Variants in EGFL6 observed in about 807,000 individuals in gnomAD.
EGFL6 encodes the protein EGF like domain multiple 6, also known as epidermal growth factor-like protein 6.
In EGFL6, 42 loss-of-function variants were observed where a neutral mutation model predicts 43.1. The ratio of observed to expected loss-of-function variants is 0.98; its 90% confidence interval spans 0.76 to 1.26. The LOEUF is 1.26. Among genes scored for constraint, EGFL6 ranks in the 50% most tolerant of loss-of-function variants. The pLI, the probability that EGFL6 is intolerant of heterozygous loss-of-function variation, is 0.00. For synonymous variants in EGFL6, 164 were observed against 163.2 expected (o/e 1.01, Z -0.04); for missense variants, 429 against 427.8 (o/e 1.00, Z -0.02).
chrX:13,611,609 G>T (rs1324338073), intron 7 of EGFL6, among the ~76,000 whole-genome samples: 2 of 112,440 alleles, frequency 1.8e-5, no homozygotes, highest in Admixed American at 9.4e-5. Flanking sequence ...TTAGATAGTT[G>T]TTTGCAGCCT....
In EGFL6 at chrX:13,633,221, T is replaced by C. The variant is rs1204010721; in HGVS notation, c.*126T>C. The C allele has an allele frequency of 6.0e-6, 3 of 498,996 alleles. No individual in the cohort carries two copies. The highest frequency in any genetic ancestry group is 9.6e-6 in the Non-Finnish European group (3 of 311,998). 41.1% of individuals were successfully genotyped at this position (498,996 alleles called of 1,213,427 possible). On this transcript the variant is annotated 3_prime_UTR_variant, in exon 12 of 12. Transcript: ENST00000361306. ...TGTAATGTACCAACAGAAATATTAT[T>C]GTAAGATGCCTTTCTTGTATAAGAT...
At chrX:13,628,397 G>A (rs1175727854) in intron 11 of EGFL6, among the ~76,000 whole-genome samples, 3 of 110,487 alleles carry the variant, frequency 2.7e-5, no homozygotes, top group Non-Finnish European at 5.7e-5. Context: ...CCATCAGAAG[G>A]TGGCTAGTGA....
chrX:13,594,069 T>C (rs2045582707), intron 2 of EGFL6, among the ~76,000 whole-genome samples: 1 of 111,271 alleles, frequency 9.0e-6, no homozygotes, highest in African/African-American at 3.3e-5. Flanking sequence ...ATCCTCTCCC[T>C]TTCTACTCTT....
Position 13,572,689 on chromosome X carries a change from A to G in EGFL6, c.74+2754A>G, listed in dbSNP as rs758785163. On this transcript the variant is annotated intron_variant, in intron 1 of 11. Transcript: ENST00000361306. ...TTCTCTACTGAATTCAAGTAAAAATAATGTGAGAGAGGAGGGAATGACTAG... is the reference window on the plus strand; with the variant it reads ...TTCTCTACTGAATTCAAGTAAAAATGATGTGAGAGAGGAGGGAATGACTAG... Among the ~76,000 whole-genome samples, 3 of 112,123 alleles carry G rather than the reference A, an allele frequency of 2.7e-5. No individual in the cohort carries two copies. In the East Asian group the frequency reaches 8.3e-4, roughly 31 times the overall value.
Position 13,594,945 on chromosome X carries a change from A to T in EGFL6, c.280+17A>T. ...GCAGTCAAGGTCAGTAAGGTAGCCC[A>T]GGGTCATAGTTCAAATTCAATCATT... On this transcript the variant is annotated intron_variant, in intron 3 of 11. Transcript: ENST00000361306. The T allele has an allele frequency of 8.7e-7, 1 of 1,151,148 alleles. No individual in the cohort carries two copies. Among genetic ancestry groups the T allele is most frequent in the Non-Finnish European group, 1.2e-6 (1 of 842,857 alleles). The allele number at this position is 1,151,148 out of a possible 1,213,427, so 94.9% of individuals were successfully genotyped here.
intron 11 of EGFL6, among the ~76,000 whole-genome samples, chrX:13,630,302 G>A (rs2045803819): frequency 8.9e-6 from 1 of 111,868 alleles, no homozygotes. Flanking sequence ...GGGGATAGAG[G>A]AGGTAAAAAT....
At chrX:13,586,218 A>G (rs998338687) in intron 1 of EGFL6, among the ~76,000 whole-genome samples, 13 of 111,968 alleles carry the variant, frequency 1.2e-4, no homozygotes, top group Non-Finnish European at 2.3e-4. Context: ...TAGGATGTCT[A>G]GAGTTTTTAA....
At chrX:13,607,264 C>G (rs148672850) in intron 6 of EGFL6, among the ~76,000 whole-genome samples, 1,654 of 111,246 alleles carry the variant, frequency 0.015, 30 homozygotes, top group African/African-American at 0.052. Context: ...AATTCGGGCT[C>G]TCTGTGGATT....
chrX:13,569,800 C>T lies in EGFL6; in HGVS notation c.-62C>T. ...AGAGGAGGCGGCGGCTTAGCTGCTA[C>T]GGGGTCCGGCCGGCGCCCTCCCGAG... On this transcript the variant is annotated 5_prime_UTR_variant, in exon 1 of 12. The change creates a new upstream start codon in the 5' untranslated region. Coordinates refer to ENST00000361306, the MANE Select transcript of EGFL6 (RefSeq NM_015507.4). 8.8e-7 allele frequency: 1 copy of T among 1,138,422 alleles called. No homozygotes were observed. 93.8% of individuals were successfully genotyped at this position (1,138,422 alleles called of 1,213,427 possible). A position where few individuals can be genotyped will look rare whatever the true frequency, so the allele number is the denominator to read the frequency against.
At chrX:13,585,755 C>T (rs778101400) in intron 1 of EGFL6, among the ~76,000 whole-genome samples, 1 of 95,650 alleles carries the variant, frequency 1.0e-5, no homozygotes, top group East Asian at 5.5e-4. Context: ...AGAATTTCCC[C>T]CATACAGCTT....
intron 1 of EGFL6, chrX:13,574,814 G>A (rs1429019948): frequency 8.5e-6 from 1 of 118,337 alleles, no homozygotes; most frequent in Non-Finnish European, 1.7e-5. Flanking sequence ...TGGAGTACAA[G>A]AAGACTCTGA....
chrX:13,597,734 A>T (rs760642332), intron 3 of EGFL6, among the ~76,000 whole-genome samples: 18 of 111,245 alleles, frequency 1.6e-4, no homozygotes, highest in Non-Finnish European at 3.0e-4. Context: ...CAGTGAGCTG[A>T]GATCGCGCCA....
chrX:13,626,050 A>G (rs1184997434), intron 10 of EGFL6, among the ~76,000 whole-genome samples: 1 of 111,868 alleles, frequency 8.9e-6, no homozygotes. Flanking sequence ...AAGAGATGCC[A>G]GATGAAATAT....
chrX:13,597,677 G>A (rs902528864), intron 3 of EGFL6, among the ~76,000 whole-genome samples: 16 of 111,283 alleles, frequency 1.4e-4, no homozygotes, highest in Non-Finnish European at 2.3e-4. Flanking sequence ...CTAGCTACTC[G>A]GGAGGCTGAG....
intron 3 of EGFL6, among the ~76,000 whole-genome samples, chrX:13,597,184 A>G (rs540291011): frequency 1.1e-4 from 12 of 112,306 alleles, no homozygotes; most frequent in African/African-American, 3.6e-4. Flanking sequence ...AGAAATCTTC[A>G]ATAATTCAGA....
At chrX:13,605,076 A>C (rs6633096) in intron 5 of EGFL6, among the ~76,000 whole-genome samples, 196 of 111,931 alleles carry the variant, frequency 1.8e-3, no homozygotes, top group African/African-American at 6.2e-3. Context: ...TTATATGACA[A>C]GGCTAATTAT....
rs1309059595 is a variant in EGFL6 at position 13,569,884 on chromosome X, C to T, written c.23C>T (p.Ala8Val). The T allele has an allele frequency of 2.5e-6, 3 of 1,212,084 alleles. No individual in the cohort carries two copies. The highest frequency in any genetic ancestry group is 2.2e-5 in the Admixed American group (1 of 46,142). MPLPWSL[A>V]LPLLLSWVAG... ...AGAATGCCTCTGCCCTGGAGCCTTG[C>T]GCTCCCGCTGCTGCTCTCCTGGGTG... The change falls in exon 1 of 12, where the codon GCG becomes GTG. Residue 8 changes from alanine (A) to valine (V), a missense_variant. Coordinates refer to ENST00000361306, the MANE Select transcript of EGFL6 (RefSeq NM_015507.4).
In EGFL6 at chrX:13,569,821, C is replaced by A. The variant is rs1203268005; in HGVS notation, c.-41C>A. ...GCTACGGGGTCCGGCCGGCGCCCTC[C>A]CGAGGGGGGCTCAGGAGGAGGAAGG... On this transcript the variant is annotated 5_prime_UTR_variant, in exon 1 of 12. Transcript: ENST00000361306. 8.3e-7 allele frequency: 1 copy of A among 1,201,629 alleles called. No individual in the cohort carries two copies.
chrX:13,594,880 A>T lies in EGFL6; in HGVS notation c.232A>T (p.Asn78Tyr). The change falls in exon 3 of 12, where the codon AAC (asparagine) becomes TAC (tyrosine). Residue 78 changes from asparagine (N) to tyrosine (Y), a missense_variant. Physicochemically the swap from Asn to Tyr is moderately radical, Grantham distance 143 (BLOSUM62 -2). Coordinates refer to ENST00000361306, the MANE Select transcript of EGFL6 (RefSeq NM_015507.4). ...GCKFGECVGP[N>Y]KCRCFPGYTG... ...TAAGTTTGGTGAGTGCGTGGGACCAAACAAATGCAGATGCTTTCCAGGATA... is the reference window on the plus strand; with the variant it reads ...TAAGTTTGGTGAGTGCGTGGGACCATACAAATGCAGATGCTTTCCAGGATA... 8.3e-7 allele frequency: 1 copy of T among 1,211,235 alleles called. No homozygotes were observed. Among genetic ancestry groups the T allele is most frequent in the Non-Finnish European group, 1.1e-6 (1 of 895,107 alleles).
Sources: allele counts gnomAD v4.1 joint callset (sites outside exome capture counted in the v4.1 genomes callset), GRCh38; gene constraint gnomAD v4.1.1; transcripts MANE v1.5; gene names NCBI Gene and HGNC (gene_info 2026-07-23, HGNC 2026-07-21).